The following PNPLA1 variants were observed in gnomAD, a reference collection of about 807,000 sequenced individuals.
PNPLA1 encodes omega-hydroxyceramide transacylase.
In PNPLA1, 36 loss-of-function variants were observed where a neutral mutation model predicts 51.7. That is an observed-to-expected ratio of 0.70 (90% confidence interval 0.53 to 0.92). PNPLA1 has a LOEUF of 0.92. Among genes scored for constraint, PNPLA1 ranks in the 40% least tolerant of loss-of-function variants. The pLI is 0.00. For missense variants in PNPLA1, 658 were observed against 682.5 expected, an observed-to-expected ratio of 0.96 and a Z score of 0.40; for synonymous variants, 293 against 280.1, an observed-to-expected ratio of 1.05 and a Z score of -0.46.
Position 36,294,529 on chromosome 6 carries a change from C to A in PNPLA1, c.714+130C>A. On this transcript the variant is annotated intron_variant, in intron 4 of 8. Coordinates refer to ENST00000636260, the MANE Select transcript of PNPLA1 (RefSeq NM_001374623.1). The surrounding 1 kb of genome is among the most constrained non-coding windows in gnomAD (Gnocchi z 4.2). ...CTCAAATGGTCCTTTAAACTTCCTC[C>A]TAGACCTGCATCCTGGCCTTGCTGC... is the stretch of plus-strand genomic sequence containing the variant. The A allele has an allele frequency of 1.2e-6, 1 of 811,282 alleles. No individual in the cohort carries two copies. The highest frequency in any genetic ancestry group is 1.9e-6 in the Non-Finnish European group (1 of 513,904). 50.3% of individuals were successfully genotyped at this position (811,282 alleles called of 1,614,324 possible).
At chr6:36,280,824 C>T (rs1770256343) in intron 1 of PNPLA1, among the ~76,000 whole-genome samples, 1 of 152,184 alleles carries the variant, frequency 6.6e-6, no homozygotes, top group African/African-American at 2.4e-5. Context: ...GGGTCTTTCT[C>T]TGTCACCTAG....
rs542654055 is a variant in PNPLA1, at chr6:36,294,669, A to C, written c.714+270A>C. Reference sequence around the variant, plus strand: ...ATAGAAATATTAACTGAACCCATCCATTCAGACAGTTCATGTCCCAAATCA... The same window carrying C: ...ATAGAAATATTAACTGAACCCATCCCTTCAGACAGTTCATGTCCCAAATCA... On this transcript the variant is annotated intron_variant, in intron 4 of 8. Coordinates refer to ENST00000636260, the MANE Select transcript of PNPLA1 (RefSeq NM_001374623.1). The surrounding 1 kb of genome is among the most constrained non-coding windows in gnomAD (Gnocchi z 4.2). Among the ~76,000 whole-genome samples, 4 of 152,226 alleles carry C rather than the reference A, an allele frequency of 2.6e-5. No individual in the cohort carries two copies. The highest frequency in any genetic ancestry group is 5.9e-5 in the Non-Finnish European group (4 of 68,044).
intron 1 of PNPLA1, among the ~76,000 whole-genome samples, chr6:36,281,705 A>G (rs1229745663): frequency 6.6e-6 from 1 of 152,138 alleles, no homozygotes; most frequent in Non-Finnish European, 1.5e-5. Context: ...GTGTCAAGCA[A>G]TTATTTATAC....
intron 1 of PNPLA1, among the ~76,000 whole-genome samples, chr6:36,262,859 T>C (rs1231057757): frequency 6.6e-6 from 1 of 152,264 alleles, no homozygotes; most frequent in African/African-American, 2.4e-5. Flanking sequence ...TAGCTTGCCA[T>C]TGATATACTT....
intron 5 of PNPLA1, among the ~76,000 whole-genome samples, chr6:36,298,537 AC>A (rs1229983944): frequency 6.6e-6 from 1 of 152,190 alleles, no homozygotes; most frequent in Admixed American, 6.5e-5. Flanking sequence ...CTGAGCCTTT[AC>A]ACACATTGAT....
intron 2 of PNPLA1, among the ~76,000 whole-genome samples, chr6:36,292,240 A>C (rs964855170): frequency 6.6e-6 from 1 of 151,932 alleles, no homozygotes; most frequent in African/African-American, 2.4e-5. Flanking sequence ...CTGGCCTGGC[A>C]GTAATCCTGG....
chr6:36,300,459 G>C (rs1771007762), intron 5 of PNPLA1, among the ~76,000 whole-genome samples: 1 of 152,150 alleles, frequency 6.6e-6, no homozygotes, highest in Non-Finnish European at 1.5e-5. Flanking sequence ...CTCCCAAAGT[G>C]CTGGGATTAC....
chr6:36,271,314 C>T (rs749328855), intron 1 of PNPLA1, among the ~76,000 whole-genome samples: 1 of 152,102 alleles, frequency 6.6e-6, no homozygotes, highest in Non-Finnish European at 1.5e-5. Context: ...AAACACTGTC[C>T]CGGACAGCAG....
intron 5 of PNPLA1, among the ~76,000 whole-genome samples, chr6:36,301,525 G>T (rs1051377190): frequency 6.6e-6 from 1 of 150,660 alleles, no homozygotes; most frequent in Non-Finnish European, 1.5e-5. Flanking sequence ...TCACCACCCC[G>T]CCCTGACCAT....
intron 1 of PNPLA1, among the ~76,000 whole-genome samples, chr6:36,256,468 A>G (rs1561848159): frequency 1.3e-5 from 2 of 152,060 alleles, no homozygotes; most frequent in African/African-American, 4.8e-5. Flanking sequence ...TTTATTTTCG[A>G]GATGGAGTTT....
At chr6:36,285,698 T>C (rs1325771879) in intron 1 of PNPLA1, among the ~76,000 whole-genome samples, 1 of 152,174 alleles carries the variant, frequency 6.6e-6, no homozygotes, top group Non-Finnish European at 1.5e-5. Context: ...TATTGAGTGC[T>C]AGGGACAAAA....
chr6:36,280,947 G>A (rs1465817315), intron 1 of PNPLA1, among the ~76,000 whole-genome samples: 1 of 152,126 alleles, frequency 6.6e-6, no homozygotes, highest in African/African-American at 2.4e-5. Flanking sequence ...GTGCCACCAT[G>A]TCTGGCTAAT....
At chr6:36,282,340 G>A (rs866899600) in intron 1 of PNPLA1, among the ~76,000 whole-genome samples, 4 of 152,218 alleles carry the variant, frequency 2.6e-5, no homozygotes, top group African/African-American at 4.8e-5. Flanking sequence ...GTCATTGTGC[G>A]ATAGTTGTTG....
chr6:36,282,088 A>G (rs9394340), intron 1 of PNPLA1, among the ~76,000 whole-genome samples: 402 of 98,758 alleles, frequency 4.1e-3, no homozygotes, highest in Non-Finnish European at 5.3e-3. Context: ...AAAGAAAGAA[A>G]GAAGGAAGGA....
chr6:36,306,479 A>T, intron 7 of PNPLA1, 103 bp downstream of exon 7: 1 of 1,019,498 alleles, frequency 9.8e-7, no homozygotes, highest in Non-Finnish European at 1.5e-6. Flanking sequence ...GAACTCTGGG[A>T]TCCTTTTCTG....
At position 36,307,783 on chromosome 6, in the gene PNPLA1, C is replaced by T. The variant is rs917606815; in HGVS notation, c.1595+71C>T. 70 of 1,580,638 alleles carry T rather than the reference C, an allele frequency of 4.4e-5. No individual in the cohort carries two copies. In the Middle Eastern group the frequency reaches 5.0e-4, roughly 11 times the overall value. ...TTGGGAACTGTGTTCAGAGAGATTCCGAGGAATAGAGGAGAGTGTAAGGGA... is the reference window on the plus strand; with the variant it reads ...TTGGGAACTGTGTTCAGAGAGATTCTGAGGAATAGAGGAGAGTGTAAGGGA... On this transcript the variant is annotated intron_variant, in intron 8 of 8. Coordinates refer to ENST00000636260, the MANE Select transcript of PNPLA1 (RefSeq NM_001374623.1).
intron 5 of PNPLA1, among the ~76,000 whole-genome samples, chr6:36,298,408 C>T (rs1770925304): frequency 6.8e-6 from 1 of 147,950 alleles, no homozygotes; most frequent in African/African-American, 2.4e-5. Context: ...AACATACATA[C>T]ACAAATATTT....
intron 1 of PNPLA1, among the ~76,000 whole-genome samples, chr6:36,284,821 T>C (rs1279339180): frequency 6.6e-6 from 1 of 152,172 alleles, no homozygotes; most frequent in Admixed American, 6.5e-5. Context: ...CTGTTTTATA[T>C]ATTGGGTTTC....
chr6:36,259,583 G>A (rs1769602857), intron 1 of PNPLA1, among the ~76,000 whole-genome samples: 1 of 151,382 alleles, frequency 6.6e-6, no homozygotes. Context: ...CATCGATTTA[G>A]TAAAAGCTTT....
Sources: allele counts gnomAD v4.1 joint callset (sites outside exome capture counted in the v4.1 genomes callset), GRCh38; gene constraint gnomAD v4.1.1; non-coding constraint Gnocchi (gnomAD v3.1); transcripts MANE v1.5; gene names NCBI Gene and HGNC (gene_info 2026-07-23, HGNC 2026-07-21).